PTPN11: variants seen among roughly 807,000 people sequenced by gnomAD.
PTPN11 encodes the protein protein tyrosine phosphatase non-receptor type 11.
Under a neutral mutation model 78.8 loss-of-function variants are expected in PTPN11, and 6 were observed. The ratio of observed to expected loss-of-function variants is 0.08; its 90% confidence interval spans 0.04 to 0.15. The LOEUF (loss-of-function observed/expected upper bound fraction) is 0.15, where lower values mean the gene tolerates loss of function less well. Among genes scored for constraint, PTPN11 ranks in the 10% least tolerant of loss-of-function variants. The probability of loss-of-function intolerance (pLI) is 1.00; values close to 1 mark genes in which losing one functional copy is unlikely to be tolerated. For missense variants in PTPN11, 386 were observed against 744.8 expected, an observed-to-expected ratio of 0.52 and a Z score of 5.61; for synonymous variants, 221 against 263.5, an observed-to-expected ratio of 0.84 and a Z score of 1.56.
chr12:112,445,236 A>G (rs564497752), intron 1 of PTPN11, among the ~76,000 whole-genome samples: 1 of 152,190 alleles, frequency 6.6e-6, no homozygotes, highest in Non-Finnish European at 1.5e-5. Context: ...GATTCAAGCA[A>G]TTCTCCTGTC....
intron 6 of PTPN11, among the ~76,000 whole-genome samples, chr12:112,462,972 C>T (rs938364012): frequency 6.6e-6 from 1 of 152,130 alleles, no homozygotes. Context: ...TATTATTCAT[C>T]TATAACTTTT....
chr12:112,439,416 C>T (rs898036732), intron 1 of PTPN11, among the ~76,000 whole-genome samples: 8 of 152,078 alleles, frequency 5.3e-5, no homozygotes, highest in Non-Finnish European at 1.0e-4. Flanking sequence ...GCCTCAGCCT[C>T]CCAAGTAGCT....
At chr12:112,456,097 G>A in intron 6 of PTPN11, 34 bp downstream of exon 6, 1 of 1,369,328 alleles carries the variant, frequency 7.3e-7, no homozygotes, top group Non-Finnish European at 1.0e-6. Flanking sequence ...TACGTGAGTT[G>A]TTATATCCTA....
intron 1 of PTPN11, among the ~76,000 whole-genome samples, chr12:112,427,364 G>A (rs2037634521): frequency 6.6e-6 from 1 of 151,890 alleles, no homozygotes; most frequent in South Asian, 2.1e-4. Flanking sequence ...AGCTAACATG[G>A]TGAAACCCTG....
At chr12:112,456,150 C>G in intron 6 of PTPN11, 87 bp downstream of exon 6, 1 of 879,196 alleles carries the variant, frequency 1.1e-6, no homozygotes, top group Non-Finnish European at 1.9e-6. Context: ...GGAATTGGAC[C>G]TGAGAGACTT....
intron 1 of PTPN11, among the ~76,000 whole-genome samples, chr12:112,434,348 A>G (rs1205897079): frequency 2.6e-5 from 4 of 152,030 alleles, no homozygotes; most frequent in Non-Finnish European, 5.9e-5. Context: ...AGTGGCTCAC[A>G]CCTGTAATCC....
At chr12:112,446,592 C>CT (rs1439887407) in intron 2 of PTPN11, among the ~76,000 whole-genome samples, 194 bp downstream of exon 2, 2 of 152,290 alleles carry the variant, frequency 1.3e-5, no homozygotes, top group East Asian at 3.9e-4. Flanking sequence ...TCTTCTCCCT[C>CT]TGAGACCTCA....
intron 13 of PTPN11, among the ~76,000 whole-genome samples, chr12:112,492,678 T>C (rs750561371): frequency 2.0e-5 from 3 of 151,744 alleles, no homozygotes; most frequent in Non-Finnish European, 2.9e-5. Context: ...CCATCACACC[T>C]GGCTAATTTT....
intron 1 of PTPN11, among the ~76,000 whole-genome samples, chr12:112,437,251 G>A (rs531997143): frequency 5.3e-5 from 8 of 152,046 alleles, no homozygotes; most frequent in South Asian, 2.1e-4. Context: ...CCCGCCTCCC[G>A]GGTTCAAGCG....
intron 6 of PTPN11, among the ~76,000 whole-genome samples, chr12:112,470,686 T>TCGTAAATGAAGGCC (rs2038401126): frequency 6.6e-6 from 1 of 151,970 alleles, no homozygotes. Context: ...GAAGTTGGGT[T>TCGTAAATGAAGGCC]CGTAAATGAA....
chr12:112,418,983 G>C lies in PTPN11; in HGVS notation c.-129G>C. Reference sequence around the variant, plus strand: ...TCCCCAGGCCTGGAGGGGGGTCTGTGCGCGGCCGGCTGGCTCTGCCCCGCG... The same window carrying C: ...TCCCCAGGCCTGGAGGGGGGTCTGTCCGCGGCCGGCTGGCTCTGCCCCGCG... On this transcript the variant is annotated 5_prime_UTR_variant, in exon 1 of 16. Transcript: ENST00000351677. 2 of 1,206,610 alleles carry C rather than the reference G, an allele frequency of 1.7e-6. No individual in the cohort carries two copies. The highest frequency in any genetic ancestry group is 2.3e-6 in the Non-Finnish European group (2 of 856,576). The allele number at this position is 1,206,610 out of a possible 1,614,324, so 74.7% of individuals were successfully genotyped here. A position where few individuals can be genotyped will look rare whatever the true frequency, so the allele number is the denominator to read the frequency against.
chr12:112,424,877 GTGTGTGTGTGTGTA>G lies in PTPN11; in HGVS notation c.14+5766_14+5779del, dbSNP rs1240676523. On this transcript the variant is annotated intron_variant, in intron 1 of 15. Coordinates refer to ENST00000351677, the MANE Select transcript of PTPN11 (RefSeq NM_002834.5). ...ACCATGTCAGGCTAATTGTGTGTGT[GTGTGTGTGTGTGTA>G]TGTGTGTGTGTGTGTGTGTGTGTGT... Among the ~76,000 whole-genome samples, 21 of 143,784 alleles carry G rather than the reference GTGTGTGTGTGTGTA, an allele frequency of 1.5e-4. 1 individual carries two copies. The highest frequency in any genetic ancestry group is 1.0e-3 in the East Asian group (4 of 3,876). The allele number at this position is 143,784 out of a possible 152,430, so 94.3% of individuals were successfully genotyped here. A position where few individuals can be genotyped will look rare whatever the true frequency, so the allele number is the denominator to read the frequency against.
intron 6 of PTPN11, among the ~76,000 whole-genome samples, chr12:112,463,288 C>A (rs1478081353): frequency 6.6e-6 from 1 of 151,850 alleles, no homozygotes; most frequent in Non-Finnish European, 1.5e-5. Context: ...GCTATGTTGC[C>A]CAGGCTGGTC....
intron 2 of PTPN11, among the ~76,000 whole-genome samples, chr12:112,449,695 T>C (rs1272778274): frequency 6.6e-6 from 1 of 152,218 alleles, no homozygotes; most frequent in Non-Finnish European, 1.5e-5. Flanking sequence ...AATATTTTTG[T>C]ACAAGTGTTT....
At chr12:112,442,676 T>G (rs1174033080) in intron 1 of PTPN11, among the ~76,000 whole-genome samples, 2 of 150,228 alleles carry the variant, frequency 1.3e-5, no homozygotes, top group African/African-American at 4.9e-5. Flanking sequence ...GGTCTCGAAC[T>G]CCTGACCTCA....
At chr12:112,434,427 G>A (rs758537432) in intron 1 of PTPN11, among the ~76,000 whole-genome samples, 7 of 152,020 alleles carry the variant, frequency 4.6e-5, no homozygotes, top group Non-Finnish European at 1.0e-4. Flanking sequence ...GGCCAACATG[G>A]TGAAACCCGG....
intron 13 of PTPN11, among the ~76,000 whole-genome samples, chr12:112,494,029 G>T (rs1030179632): frequency 1.2e-4 from 19 of 152,154 alleles, no homozygotes; most frequent in African/African-American, 4.6e-4. Flanking sequence ...GAGGAGGGTG[G>T]ATCACTTGAG....
At chr12:112,502,603 C>T (rs953415420) in intron 14 of PTPN11, among the ~76,000 whole-genome samples, 6 of 151,996 alleles carry the variant, frequency 3.9e-5, no homozygotes, top group East Asian at 1.9e-4. Context: ...AAAAATTAGC[C>T]GGGCATGGTG....
intron 1 of PTPN11, among the ~76,000 whole-genome samples, chr12:112,435,310 T>C (rs1047212335): frequency 6.6e-6 from 1 of 152,170 alleles, no homozygotes; most frequent in Non-Finnish European, 1.5e-5. Flanking sequence ...GTGAGCCACC[T>C]TGCCCTGCCC....
Sources: allele counts gnomAD v4.1 joint callset (sites outside exome capture counted in the v4.1 genomes callset), GRCh38; gene constraint gnomAD v4.1.1; transcripts MANE v1.5; gene names NCBI Gene and HGNC (gene_info 2026-07-23, HGNC 2026-07-21).